Variants in NUP155 observed in about 807,000 individuals in gnomAD.
The protein encoded by NUP155 is nucleoporin 155, also known as nuclear pore complex protein Nup155.
Under a neutral mutation model 180.4 loss-of-function variants are expected in NUP155, and 71 were observed. The ratio of observed to expected loss-of-function variants is 0.39; its 90% confidence interval spans 0.33 to 0.48. The LOEUF (loss-of-function observed/expected upper bound fraction) is 0.48, where lower values mean the gene tolerates loss of function less well. NUP155 is among the 20% of genes least tolerant of loss of function. The probability of loss-of-function intolerance (pLI) is 0.91; values close to 1 mark genes in which losing one functional copy is unlikely to be tolerated. For missense variants in NUP155, 1,553 were observed against 1,648.9 expected (o/e 0.94, Z 1.01); for synonymous variants, 582 against 559.5 (o/e 1.04, Z -0.57).
At chr5:37,341,665 C>A (rs1424887448) in intron 10 of NUP155, among the ~76,000 whole-genome samples, 1 of 152,120 alleles carries the variant, frequency 6.6e-6, no homozygotes, top group African/African-American at 2.4e-5. Context: ...CTCAGCCTCC[C>A]GAGTAGCTGG....
At chr5:37,298,371 C>G (rs900866717) in intron 32 of NUP155, among the ~76,000 whole-genome samples, 1 of 151,986 alleles carries the variant, frequency 6.6e-6, no homozygotes, top group African/African-American at 2.4e-5. Context: ...GAGGAAAACA[C>G]TTGTAGGTTG....
At chr5:37,363,508 A>G (rs1016006666) in intron 3 of NUP155, among the ~76,000 whole-genome samples, 2 of 152,186 alleles carry the variant, frequency 1.3e-5, no homozygotes, top group Non-Finnish European at 2.9e-5. Context: ...AAATAAATAA[A>G]TATCACATGC....
intron 13 of NUP155, among the ~76,000 whole-genome samples, chr5:37,332,496 T>A (rs1297733846): frequency 6.6e-6 from 1 of 151,974 alleles, no homozygotes; most frequent in African/African-American, 2.4e-5. Context: ...TAAATTTTTT[T>A]ATATTTTTAG....
intron 14 of NUP155, among the ~76,000 whole-genome samples, chr5:37,331,171 A>T (rs1287721340): frequency 6.6e-6 from 1 of 152,070 alleles, no homozygotes; most frequent in African/African-American, 2.4e-5. Flanking sequence ...GAATTTATCA[A>T]CAACAGAGAA....
At chr5:37,301,616 C>T (rs1742868049) in intron 29 of NUP155, 66 bp from the exon 30 acceptor site, 8 of 959,168 alleles carry the variant, frequency 8.3e-6, no homozygotes, top group East Asian at 7.2e-5. Context: ...TTTGAAAGAA[C>T]GGATCCTACT....
chr5:37,323,859 A>C (rs1744408225), intron 20 of NUP155, 133 bp downstream of exon 20: 1 of 668,730 alleles, frequency 1.5e-6, no homozygotes, highest in Admixed American at 2.4e-5. Flanking sequence ...TGATGGTTGC[A>C]TAACCTTGTA....
chr5:37,365,601 G>A (rs1747507982), intron 1 of NUP155, among the ~76,000 whole-genome samples: 2 of 149,942 alleles, frequency 1.3e-5, no homozygotes, highest in Non-Finnish European at 3.0e-5. Context: ...CCAGCTACTT[G>A]GGAGGCTGAG....
At chr5:37,348,237 G>A (rs867855257) in intron 9 of NUP155, among the ~76,000 whole-genome samples, 12 of 152,144 alleles carry the variant, frequency 7.9e-5, no homozygotes, top group South Asian at 6.2e-4. Flanking sequence ...CCAGGAGGTG[G>A]AGGTTGCAGT....
chr5:37,331,490 T>C (rs1744959251), intron 14 of NUP155, among the ~76,000 whole-genome samples, 195 bp downstream of exon 14: 1 of 152,050 alleles, frequency 6.6e-6, no homozygotes, highest in South Asian at 2.1e-4. Flanking sequence ...AGAACAATCA[T>C]TTGAACCTGA....
At chr5:37,329,396 C>T in intron 15 of NUP155, 118 bp from the exon 16 acceptor site, 1 of 749,504 alleles carries the variant, frequency 1.3e-6, no homozygotes, top group Non-Finnish European at 2.4e-6. Context: ...TTAGAGACTT[C>T]AATGTATTGT....
Position 37,288,273 on chromosome 5 carries a change from G to A in NUP155, c.*3627C>T, listed in dbSNP as rs1742100685. The A allele has an allele frequency of 6.6e-6, 1 of 152,064 alleles. No homozygotes were observed. Among genetic ancestry groups the A allele is most frequent in the African/African-American group, 2.4e-5 (1 of 41,408 alleles). The allele number at this position is 152,064 out of a possible 1,614,324, so 9.4% of individuals were successfully genotyped here. On this transcript the variant is annotated 3_prime_UTR_variant, in exon 35 of 35. Transcript: ENST00000231498. ...TTTCCTTGATACAACTCTGTACCATGGTCATAATTTTTCCGTCTCATGAAT... is the reference window on the plus strand; with the variant it reads ...TTTCCTTGATACAACTCTGTACCATAGTCATAATTTTTCCGTCTCATGAAT...
In NUP155 at chr5:37,368,752, C is replaced by T. The variant is rs1437169448; in HGVS notation, c.157+2069G>A. Among the ~76,000 whole-genome samples, 4 of 151,618 alleles carry T rather than the reference C, an allele frequency of 2.6e-5. No homozygotes were observed. In the East Asian group the frequency reaches 7.8e-4, roughly 29 times the overall value. On this transcript the variant is annotated intron_variant, in intron 1 of 34. Coordinates refer to ENST00000231498, the MANE Select transcript of NUP155 (RefSeq NM_153485.3). Reference sequence around the variant, plus strand: ...TCGCTTGAACCTGGGAGGTGGAGGCCGTAGTGAGCCAAGATTATGCCAACT... The same window carrying T: ...TCGCTTGAACCTGGGAGGTGGAGGCTGTAGTGAGCCAAGATTATGCCAACT...
chr5:37,362,450 G>A (rs1368303803), intron 3 of NUP155, among the ~76,000 whole-genome samples: 2 of 151,938 alleles, frequency 1.3e-5, no homozygotes, highest in East Asian at 1.9e-4. Context: ...CACCATGCCA[G>A]GCTAATTTTG....
chr5:37,291,002 G>C lies in NUP155; in HGVS notation c.*898C>G, dbSNP rs1467862806. ...GCCAGGTAGACACTAAGGGAAAACA[G>C]TACCTCCCTGTGTAGGTTTTCAGGA... On this transcript the variant is annotated 3_prime_UTR_variant, in exon 35 of 35. Coordinates refer to ENST00000231498, the MANE Select transcript of NUP155 (RefSeq NM_153485.3). The C allele has an allele frequency of 6.6e-6, 1 of 152,204 alleles. No individual in the cohort carries two copies. Among genetic ancestry groups the C allele is most frequent in the Non-Finnish European group, 1.5e-5 (1 of 68,054 alleles). 9.4% of individuals were successfully genotyped at this position (152,204 alleles called of 1,614,324 possible).
At chr5:37,307,804 C>T (rs1250817539) in intron 24 of NUP155, among the ~76,000 whole-genome samples, 1 of 151,724 alleles carries the variant, frequency 6.6e-6, no homozygotes, top group African/African-American at 2.4e-5. Context: ...CGCCTGTAAT[C>T]CCAGCTACTC....
intron 9 of NUP155, among the ~76,000 whole-genome samples, chr5:37,342,977 G>A (rs1273253594): frequency 6.6e-6 from 1 of 152,172 alleles, no homozygotes; most frequent in East Asian, 1.9e-4. Flanking sequence ...CCTCGCGTGA[G>A]CGTGATCCGC....
intron 14 of NUP155, among the ~76,000 whole-genome samples, chr5:37,330,648 C>A (rs980910303): frequency 5.3e-5 from 8 of 152,058 alleles, no homozygotes; most frequent in African/African-American, 1.9e-4. Flanking sequence ...CAATTTTAAC[C>A]GTATCAATTC....
chr5:37,315,438 T>C (rs1277528979), intron 21 of NUP155, among the ~76,000 whole-genome samples: 1 of 152,214 alleles, frequency 6.6e-6, no homozygotes, highest in Non-Finnish European at 1.5e-5. Flanking sequence ...CTACTTATAA[T>C]TGATAAAAAG....
At chr5:37,310,855 A>G in intron 22 of NUP155, 112 bp from the exon 23 acceptor site, 1 of 897,536 alleles carries the variant, frequency 1.1e-6, no homozygotes, top group South Asian at 1.9e-5. Context: ...TCTATAATTG[A>G]AAAGCGAAAA....
Sources: gnomAD v4.1 joint callset for allele counts (sites outside exome capture counted in the v4.1 genomes callset) on GRCh38, gnomAD v4.1.1 for gene constraint, MANE v1.5 for transcripts, NCBI Gene and HGNC (gene_info 2026-07-23, HGNC 2026-07-21) for gene names.